The following SIPA1L2 variants were observed in gnomAD, a reference collection of about 807,000 sequenced individuals.
SIPA1L2 encodes the protein signal induced proliferation associated 1 like 2, also known as signal-induced proliferation-associated 1-like protein 2.
SIPA1L2 carries 56 observed loss-of-function variants against 163.9 expected under a neutral mutation model. The observed-to-expected ratio is 0.34, with a 90% CI of 0.28 to 0.43. The LOEUF (loss-of-function observed/expected upper bound fraction) is 0.43, where lower values mean the gene tolerates loss of function less well. Ranked by LOEUF, SIPA1L2 falls within the 20% of genes least tolerant of loss-of-function variation. The probability of loss-of-function intolerance (pLI) is 1.00; values close to 1 mark genes in which losing one functional copy is unlikely to be tolerated. For missense variants in SIPA1L2, 1,974 were observed against 2,193.5 expected (o/e 0.90, Z 2.00); for synonymous variants, 877 against 865.7 (o/e 1.01, Z -0.23).
At chr1:232,454,528 T>C (rs1663780398) in intron 10 of SIPA1L2, among the ~76,000 whole-genome samples, 1 of 152,170 alleles carries the variant, frequency 6.6e-6, no homozygotes, top group Non-Finnish European at 1.5e-5. Flanking sequence ...ACTTCAAAAT[T>C]ATACAGAGAA....
At chr1:232,617,569 T>C (rs1031248377) in intron 1 of SIPA1L2, among the ~76,000 whole-genome samples, 1 of 152,196 alleles carries the variant, frequency 6.6e-6, no homozygotes. Context: ...AGCAGCTTTA[T>C]ACACAAGAGT....
intron 15 of SIPA1L2, among the ~76,000 whole-genome samples, chr1:232,436,586 A>C (rs74833572): frequency 0.016 from 2,473 of 152,250 alleles, 38 homozygotes; most frequent in Non-Finnish European, 0.022. Context: ...CTGGGACAGG[A>C]GAGGAAAGCA....
intron 3 of SIPA1L2, among the ~76,000 whole-genome samples, chr1:232,498,168 T>C (rs1666292901): frequency 6.6e-6 from 1 of 152,186 alleles, no homozygotes; most frequent in African/African-American, 2.4e-5. Flanking sequence ...TAATAAACTG[T>C]TCTTGAATCA....
intron 4 of SIPA1L2, 76 bp downstream of exon 4, chr1:232,493,451 C>T: frequency 6.4e-7 from 1 of 1,565,406 alleles, no homozygotes; most frequent in Non-Finnish European, 8.7e-7. Context: ...AGTACCCTAT[C>T]TAAAACAAAC....
chr1:232,403,399 A>G (rs759962567), intron 21 of SIPA1L2, 49 bp downstream of exon 21: 46 of 1,590,348 alleles, frequency 2.9e-5, no homozygotes, highest in Non-Finnish European at 3.9e-5. Context: ...AATCTTGGCT[A>G]ATCATGCCTG....
chr1:232,494,454 A>T (rs1666079568), intron 3 of SIPA1L2, among the ~76,000 whole-genome samples: 1 of 152,172 alleles, frequency 6.6e-6, no homozygotes, highest in African/African-American at 2.4e-5. Context: ...TGCAATCACT[A>T]TGTGTGGGCA....
At chr1:232,480,899 G>C (rs781561208) in intron 6 of SIPA1L2, among the ~76,000 whole-genome samples, 29 of 152,014 alleles carry the variant, frequency 1.9e-4, no homozygotes, top group Non-Finnish European at 3.1e-4. Context: ...TCTGAACCCT[G>C]TAGTATGTCT....
intron 2 of SIPA1L2, among the ~76,000 whole-genome samples, chr1:232,537,959 A>T (rs563702716): frequency 1.3e-5 from 2 of 152,334 alleles, no homozygotes; most frequent in Admixed American, 1.3e-4. Flanking sequence ...GACTTCCTAA[A>T]TGACAAAAAT....
intron 19 of SIPA1L2, among the ~76,000 whole-genome samples, chr1:232,405,551 G>C (rs1660586265): frequency 6.6e-6 from 1 of 152,194 alleles, no homozygotes; most frequent in South Asian, 2.1e-4. Context: ...GCTGCTCTAG[G>C]GGCTGGGTGG....
intron 10 of SIPA1L2, among the ~76,000 whole-genome samples, chr1:232,460,095 T>C (rs1664150801): frequency 6.6e-6 from 1 of 152,080 alleles, no homozygotes; most frequent in Non-Finnish European, 1.5e-5. Flanking sequence ...AGAGGGAAGG[T>C]GCTCTAGATA....
At chr1:232,544,543 G>C (rs959406577) in intron 2 of SIPA1L2, among the ~76,000 whole-genome samples, 3 of 139,384 alleles carry the variant, frequency 2.2e-5, no homozygotes, top group Admixed American at 1.5e-4. Context: ...CTGGGCGACA[G>C]AGCGAGACTC....
intron 18 of SIPA1L2, among the ~76,000 whole-genome samples, chr1:232,423,068 T>C (rs1001467553): frequency 6.6e-5 from 10 of 152,336 alleles, no homozygotes; most frequent in African/African-American, 1.2e-4. Context: ...AATGCTGAAC[T>C]GGCAGTGAGT....
intron 2 of SIPA1L2, among the ~76,000 whole-genome samples, chr1:232,530,600 T>C (rs1408459972): frequency 6.6e-6 from 1 of 152,076 alleles, no homozygotes; most frequent in Non-Finnish European, 1.5e-5. Context: ...GTTAACAAGT[T>C]TGGGGTTGTT....
chr1:232,507,557 T>G (rs542498238), intron 3 of SIPA1L2, among the ~76,000 whole-genome samples: 1 of 152,364 alleles, frequency 6.6e-6, no homozygotes, highest in South Asian at 2.1e-4. Context: ...AAATTACTTT[T>G]TCAAGTAAAG....
chr1:232,572,076 C>T (rs1422557652), intron 2 of SIPA1L2, among the ~76,000 whole-genome samples: 3 of 152,162 alleles, frequency 2.0e-5, no homozygotes, highest in Non-Finnish European at 4.4e-5. Flanking sequence ...ACCATGTCCT[C>T]TAGGTACACG....
chr1:232,441,620 T>C, intron 13 of SIPA1L2, 148 bp downstream of exon 13: 1 of 757,916 alleles, frequency 1.3e-6, no homozygotes, highest in Non-Finnish European at 2.2e-6. Flanking sequence ...CCACACCCCC[T>C]CCTGCATCTG....
At chr1:232,518,050 TA>T (rs1218245577) in intron 2 of SIPA1L2, among the ~76,000 whole-genome samples, 3 of 152,134 alleles carry the variant, frequency 2.0e-5, no homozygotes, top group Non-Finnish European at 4.4e-5. Flanking sequence ...CCATCTCAAA[TA>T]AAGATTTTAC....
chr1:232,465,479 G>A lies in SIPA1L2; in HGVS notation c.2244-63C>T, dbSNP rs1157038023. The A allele has an allele frequency of 9.3e-6, 13 of 1,394,140 alleles. No individual in the cohort carries two copies. In the Middle Eastern group the frequency reaches 5.6e-4, roughly 60 times the overall value. The allele number at this position is 1,394,140 out of a possible 1,614,324, so 86.4% of individuals were successfully genotyped here. A position where few individuals can be genotyped will look rare whatever the true frequency, so the allele number is the denominator to read the frequency against. On this transcript the variant is annotated intron_variant, in intron 8 of 22. Transcript: ENST00000674635. This position sits in a 1 kb window ranked among gnomAD's most constrained non-coding sequence, Gnocchi z 4.1. Reference sequence around the variant, plus strand: ...ATGATACCATAATATGTATCTTTCCGAATTTGACATATATATACACACACA... The same window carrying A: ...ATGATACCATAATATGTATCTTTCCAAATTTGACATATATATACACACACA...
At chr1:232,618,997 G>A (rs1435729476) in intron 1 of SIPA1L2, among the ~76,000 whole-genome samples, 1 of 152,130 alleles carries the variant, frequency 6.6e-6, no homozygotes, top group Non-Finnish European at 1.5e-5. Context: ...AATACTGTCC[G>A]TCACTTCTCC....
Sources: gnomAD v4.1 joint callset for allele counts (sites outside exome capture counted in the v4.1 genomes callset) on GRCh38, gnomAD v4.1.1 for gene constraint, Gnocchi (gnomAD v3.1) non-coding constraint, MANE v1.5 for transcripts, NCBI Gene and HGNC (gene_info 2026-07-23, HGNC 2026-07-21) for gene names.